KCNN2: variants seen among roughly 807,000 people sequenced by gnomAD.
The protein encoded by KCNN2 is potassium calcium-activated channel subfamily N member 2.
In KCNN2, 24 loss-of-function variants were observed where a neutral mutation model predicts 55.5. The ratio of observed to expected loss-of-function variants is 0.43; its 90% CI spans 0.31 to 0.61. The LOEUF (loss-of-function observed/expected upper bound fraction) is 0.61. KCNN2 is among the 20% of genes least tolerant of loss of function. The probability of loss-of-function intolerance (pLI) is 0.08; values close to 1 mark genes in which losing one functional copy is unlikely to be tolerated. For missense variants in KCNN2, 754 were observed against 853.6 expected, an observed-to-expected ratio of 0.88 and a Z score of 1.45; for synonymous variants, 431 against 336.1, an observed-to-expected ratio of 1.28 and a Z score of -3.09.
intron 1 of KCNN2, among the ~76,000 whole-genome samples, chr5:114,155,166 G>A (rs1007452008): frequency 1.5e-4 from 23 of 152,104 alleles, no homozygotes; most frequent in African/African-American, 4.6e-4. Flanking sequence ...GTGTTATTTC[G>A]CTAAAGATAA....
chr5:114,250,402 C>G (rs1166622831), intron 2 of KCNN2, among the ~76,000 whole-genome samples: 2 of 151,950 alleles, frequency 1.3e-5, no homozygotes. Flanking sequence ...TGGAAGTGTC[C>G]CTTTTATTGA....
intron 2 of KCNN2, among the ~76,000 whole-genome samples, chr5:114,336,132 T>C (rs1756919667): frequency 6.6e-6 from 1 of 152,216 alleles, no homozygotes; most frequent in Non-Finnish European, 1.5e-5. Context: ...GGAGGATTAG[T>C]TGTTTACCTT....
intron 2 of KCNN2, among the ~76,000 whole-genome samples, chr5:114,297,331 T>C (rs2150020757): frequency 6.6e-6 from 1 of 152,146 alleles, no homozygotes; most frequent in African/African-American, 2.4e-5. Context: ...AATAGAGAAA[T>C]AATCTTTAAA....
chr5:114,402,255 G>A (rs1237772693), intron 2 of KCNN2, among the ~76,000 whole-genome samples: 1 of 152,102 alleles, frequency 6.6e-6, no homozygotes, highest in African/African-American at 2.4e-5. Flanking sequence ...AAGATGGGAG[G>A]ATCAGATTTC....
At chr5:114,164,400 C>T (rs1752862868) in intron 1 of KCNN2, among the ~76,000 whole-genome samples, 1 of 152,058 alleles carries the variant, frequency 6.6e-6, no homozygotes, top group South Asian at 2.1e-4. Context: ...AAGTGAAGTG[C>T]TGTAGTCATT....
intron 2 of KCNN2, among the ~76,000 whole-genome samples, chr5:114,385,669 G>GCTCA (rs1241381432): frequency 3.3e-5 from 5 of 151,994 alleles, no homozygotes; most frequent in Admixed American, 2.6e-4. Context: ...GTGCCTTTGG[G>GCTCA]CTCAGCACAG....
At chr5:114,283,916 G>A (rs887871645) in intron 2 of KCNN2, among the ~76,000 whole-genome samples, 7 of 152,072 alleles carry the variant, frequency 4.6e-5, no homozygotes, top group Non-Finnish European at 7.4e-5. Context: ...ATTCTGACTT[G>A]TCCTTCCAGC....
At chr5:114,371,125 G>C (rs1243673170) in intron 2 of KCNN2, among the ~76,000 whole-genome samples, 1 of 152,190 alleles carries the variant, frequency 6.6e-6, no homozygotes, top group African/African-American at 2.4e-5. Context: ...ATGGGGTTCT[G>C]GTTGGAGCAA....
chr5:114,116,681 A>C (rs1234556925), intron 1 of KCNN2, among the ~76,000 whole-genome samples: 1 of 152,198 alleles, frequency 6.6e-6, no homozygotes, highest in Non-Finnish European at 1.5e-5. Context: ...AACAATATTT[A>C]GTAATTTAAA....
intron 3 of KCNN2, among the ~76,000 whole-genome samples, chr5:114,441,730 A>T (rs952955463): frequency 1.4e-4 from 22 of 152,292 alleles, no homozygotes; most frequent in African/African-American, 5.3e-4. Context: ...GCTATTACAG[A>T]TATGCTGCCA....
chr5:114,211,379 C>T lies in KCNN2; in HGVS notation c.-270-10101C>T, dbSNP rs1753881809. ...TATACACCATGAAACGCTATGCAGC[C>T]ATAAAAAAGAATGAGATCATGACCT... On this transcript the variant is annotated intron_variant, in intron 1 of 10. Transcript: ENST00000512097. Among the ~76,000 whole-genome samples the T allele has an allele frequency of 2.0e-5, 3 of 152,054 alleles. No homozygotes were observed. In the South Asian group the frequency reaches 6.2e-4, roughly 31 times the overall value.
At chr5:114,423,340 G>A (rs1482232320) in intron 3 of KCNN2, among the ~76,000 whole-genome samples, 1 of 151,946 alleles carries the variant, frequency 6.6e-6, no homozygotes, top group East Asian at 1.9e-4. Context: ...CACCCCCACA[G>A]CCCCCAAAAA....
intron 3 of KCNN2, among the ~76,000 whole-genome samples, chr5:114,445,329 G>T (rs568833852): frequency 6.6e-6 from 1 of 152,168 alleles, no homozygotes; most frequent in African/African-American, 2.4e-5. Flanking sequence ...AAGAAAAAAG[G>T]GGTTATCATG....
Position 114,404,575 on chromosome 5 carries a change from G to A in KCNN2, c.1356G>A (p.Arg452=), listed in dbSNP as rs1398234440. ...ATTATACATTCACATGGACGGCCCG[G>A]CTTGCCTTCTCCTATGCCCCATCCA... ...PGNYTFTWTA[R]LAFSYAPSTT... Residue 452 remains arginine, a synonymous_variant, in exon 3 of 8, where the codon CGG becomes CGA. Coordinates refer to ENST00000673685, the MANE Select transcript of KCNN2 (RefSeq NM_021614.4). The A allele has an allele frequency of 6.2e-7, 1 of 1,613,598 alleles. No individual in the cohort carries two copies. Among genetic ancestry groups the A allele is most frequent in the Non-Finnish European group, 8.5e-7 (1 of 1,179,982 alleles).
chr5:114,208,217 T>G (rs997690240), intron 1 of KCNN2, among the ~76,000 whole-genome samples: 3 of 152,206 alleles, frequency 2.0e-5, no homozygotes, highest in Non-Finnish European at 1.5e-5. Flanking sequence ...ATTTCTAACT[T>G]CATTTGGATC....
chr5:114,314,315 T>C (rs968112588), intron 2 of KCNN2, among the ~76,000 whole-genome samples: 9 of 152,150 alleles, frequency 5.9e-5, no homozygotes, highest in Admixed American at 2.0e-4. Flanking sequence ...TGAACTGATA[T>C]TGATGCACTT....
chr5:114,193,237 C>T (rs1429578883), intron 1 of KCNN2, among the ~76,000 whole-genome samples: 1 of 152,102 alleles, frequency 6.6e-6, no homozygotes, highest in Non-Finnish European at 1.5e-5. Flanking sequence ...CTCAGCTCAG[C>T]GTCTGGCCTT....
At chr5:114,394,324 T>A (rs2150065325) in intron 2 of KCNN2, among the ~76,000 whole-genome samples, 1 of 152,340 alleles carries the variant, frequency 6.6e-6, no homozygotes, top group Middle Eastern at 3.4e-3. Context: ...CATTCATTTT[T>A]CTACTGTGCT....
intron 2 of KCNN2, among the ~76,000 whole-genome samples, chr5:114,400,839 T>G (rs533466920): frequency 6.6e-6 from 1 of 152,296 alleles, no homozygotes; most frequent in African/African-American, 2.4e-5. Context: ...ATCCAGAGGT[T>G]TTTCCTGATG....
Sources: gnomAD v4.1 joint callset for allele counts (sites outside exome capture counted in the v4.1 genomes callset) on GRCh38, gnomAD v4.1.1 for gene constraint, MANE v1.5 for transcripts, NCBI Gene and HGNC (gene_info 2026-07-23, HGNC 2026-07-21) for gene names.